Variants in TSHZ2 observed in about 807,000 individuals in gnomAD.
TSHZ2 encodes teashirt homolog 2.
TSHZ2 carries 21 observed loss-of-function variants against 74.4 expected under a neutral mutation model. The observed-to-expected ratio is 0.28, with a 90% CI of 0.20 to 0.41. The LOEUF (loss-of-function observed/expected upper bound fraction) is 0.41, where lower values mean the gene tolerates loss of function less well. Among genes scored for constraint, TSHZ2 ranks in the 10% least tolerant of loss-of-function variants. The pLI is 1.00. For missense variants in TSHZ2, 1,244 were observed against 1,293.5 expected (o/e 0.96, Z 0.59); for synonymous variants, 540 against 515.3 (o/e 1.05, Z -0.65).
At chr20:53,415,645 AAAAG>A (rs1311117361) in intron 2 of TSHZ2, among the ~76,000 whole-genome samples, 1 of 372 alleles carries the variant, frequency 2.7e-3, no homozygotes, top group East Asian at 0.056. Flanking sequence ...ATAGTAAACA[AAAAG>A]AAAGTTTATT....
chr20:53,343,392 C>T (rs898676691), intron 2 of TSHZ2, among the ~76,000 whole-genome samples: 1 of 152,196 alleles, frequency 6.6e-6, no homozygotes, highest in African/African-American at 2.4e-5. Flanking sequence ...TGTGGGCACA[C>T]AAGGCAGTGG....
chr20:53,161,034 G>C (rs1987920677), intron 1 of TSHZ2, among the ~76,000 whole-genome samples: 1 of 150,094 alleles, frequency 6.7e-6, no homozygotes, highest in Non-Finnish European at 1.5e-5. Context: ...AAAATGTTTG[G>C]GGTTTTTTGT....
At chr20:53,044,330 C>T (rs1984149658) in intron 1 of TSHZ2, among the ~76,000 whole-genome samples, 1 of 152,160 alleles carries the variant, frequency 6.6e-6, no homozygotes, top group Admixed American at 6.5e-5. Context: ...TGTCATATTC[C>T]GCTCTGTAGC....
rs145494172 is a variant in TSHZ2, at chr20:53,279,036, G to T, written c.*8+22465G>T. ...TGTTCTTACAATAAAGTAAGCTAGA[G>T]AAAAGAAAACGTTGTCAGGAAAATC... On this transcript the variant is annotated intron_variant, in intron 2 of 2. Transcript: ENST00000371497. Among the ~76,000 whole-genome samples, 587 of 152,328 alleles carry T rather than the reference G, an allele frequency of 3.9e-3. 4 individuals are homozygous for T. Among genetic ancestry groups the T allele is most frequent in the Middle Eastern group, 0.014 (4 of 294 alleles).
chr20:53,380,139 A>T (rs951867159), intron 2 of TSHZ2, among the ~76,000 whole-genome samples: 64 of 149,518 alleles, frequency 4.3e-4, no homozygotes, highest in South Asian at 2.3e-3. Context: ...ATGGTTGGAG[A>T]GTGTGTGTGT....
chr20:53,388,983 T>C (rs1293864896), intron 2 of TSHZ2, among the ~76,000 whole-genome samples: 2 of 152,228 alleles, frequency 1.3e-5, no homozygotes, highest in African/African-American at 4.8e-5. Flanking sequence ...TATTATGTAG[T>C]TTAATTCTCT....
intron 2 of TSHZ2, among the ~76,000 whole-genome samples, chr20:53,409,977 C>T (rs908047137): frequency 3.3e-5 from 5 of 150,190 alleles, no homozygotes; most frequent in African/African-American, 1.2e-4. Flanking sequence ...CTCTTGAGTA[C>T]CTGGGATTAC....
intron 2 of TSHZ2, among the ~76,000 whole-genome samples, chr20:53,446,578 CAAAAA>C (rs5841946): frequency 0.024 from 2,539 of 105,798 alleles, 31 homozygotes; most frequent in Non-Finnish European, 0.035. Context: ...GACTCTGTCG[CAAAAA>C]AAAAAAAAAA....
At chr20:52,976,059 T>C (rs2122858486) in intron 1 of TSHZ2, among the ~76,000 whole-genome samples, 1 of 152,350 alleles carries the variant, frequency 6.6e-6, no homozygotes, top group South Asian at 2.1e-4. Context: ...GCGCTCTTTT[T>C]CCCAAGAACT....
At chr20:53,187,283 A>G (rs1297048176) in intron 1 of TSHZ2, among the ~76,000 whole-genome samples, 1 of 152,100 alleles carries the variant, frequency 6.6e-6, no homozygotes, top group Non-Finnish European at 1.5e-5. Context: ...TACGTTCAAG[A>G]TGGTTCTTAC....
chr20:53,390,872 G>C (rs1766413709), intron 2 of TSHZ2, among the ~76,000 whole-genome samples: 1 of 152,174 alleles, frequency 6.6e-6, no homozygotes, highest in Non-Finnish European at 1.5e-5. Flanking sequence ...TCTCATTGTG[G>C]TTTTGATTTG....
chr20:53,458,469 G>C (rs1159920562), intron 2 of TSHZ2, among the ~76,000 whole-genome samples: 1 of 151,828 alleles, frequency 6.6e-6, no homozygotes, highest in African/African-American at 2.4e-5. Context: ...TATTAGTCTT[G>C]CTAGCAGTCT....
chr20:53,436,473 G>A (rs984608454), intron 2 of TSHZ2, among the ~76,000 whole-genome samples: 16 of 151,000 alleles, frequency 1.1e-4, no homozygotes, highest in Admixed American at 5.9e-4. Flanking sequence ...CGTGGACGAC[G>A]TACCTAGACA....
chr20:53,240,714 A>AGACAGAT (rs1990042505), intron 1 of TSHZ2, among the ~76,000 whole-genome samples: 1 of 134,746 alleles, frequency 7.4e-6, no homozygotes, highest in Non-Finnish European at 1.6e-5. Flanking sequence ...TAAAATAGAT[A>AGACAGAT]GATAGATGAT....
chr20:53,348,862 G>C (rs1980539170), intron 2 of TSHZ2, among the ~76,000 whole-genome samples: 1 of 152,196 alleles, frequency 6.6e-6, no homozygotes, highest in Non-Finnish European at 1.5e-5. Flanking sequence ...TAGTTGCCCT[G>C]ACTGCAAAGA....
At chr20:53,274,706 C>A (rs560204457) in intron 2 of TSHZ2, among the ~76,000 whole-genome samples, 12 of 152,242 alleles carry the variant, frequency 7.9e-5, no homozygotes, top group Non-Finnish European at 1.8e-4. Context: ...GATGGTTGAA[C>A]CAATACGAGC....
chr20:53,480,332 G>C (rs1986116839), intron 2 of TSHZ2, among the ~76,000 whole-genome samples: 1 of 151,810 alleles, frequency 6.6e-6, no homozygotes, highest in Non-Finnish European at 1.5e-5. Flanking sequence ...GCCTCCCAAA[G>C]TGCTGGGATT....
chr20:53,174,978 G>A (rs1051607832), intron 1 of TSHZ2, among the ~76,000 whole-genome samples: 8 of 151,882 alleles, frequency 5.3e-5, no homozygotes, highest in South Asian at 2.1e-4. Context: ...TTGGCTCTTC[G>A]TTTTTTCATT....
At chr20:53,402,581 A>G (rs1020033397) in intron 2 of TSHZ2, among the ~76,000 whole-genome samples, 2 of 152,150 alleles carry the variant, frequency 1.3e-5, no homozygotes, top group Non-Finnish European at 2.9e-5. Context: ...CATTTCTATG[A>G]AAAAAAGCAG....
Sources: gnomAD v4.1 joint callset for allele counts (sites outside exome capture counted in the v4.1 genomes callset) on GRCh38, gnomAD v4.1.1 for gene constraint, MANE v1.5 for transcripts, NCBI Gene and HGNC (gene_info 2026-07-23, HGNC 2026-07-21) for gene names.